Variants in NRDC observed in about 807,000 individuals in gnomAD.
NRDC encodes the protein nardilysin convertase, also known as nardilysin.
In NRDC, 54 loss-of-function variants were observed where a neutral mutation model predicts 147.1. The observed-to-expected ratio is 0.37, with a 90% CI of 0.29 to 0.46. The LOEUF is 0.46. Ranked by LOEUF, NRDC falls within the 20% of genes least tolerant of loss-of-function variation. The probability of loss-of-function intolerance (pLI) is 1.00; values close to 1 mark genes in which losing one functional copy is unlikely to be tolerated. For synonymous variants in NRDC, 440 were observed against 482.1 expected (o/e 0.91, Z 1.14); for missense variants, 1,082 against 1,370.6 (o/e 0.79, Z 3.33).
At chr1:51,830,981 T>C (rs1680682098) in intron 4 of NRDC, among the ~76,000 whole-genome samples, 2 of 152,230 alleles carry the variant, frequency 1.3e-5, no homozygotes, top group South Asian at 4.1e-4. Flanking sequence ...ATTGTAGAAG[T>C]ATAATATTAT....
At position 51,789,630 on chromosome 1, in the gene NRDC, A is replaced by C. The variant is rs760438490; in HGVS notation, c.3196T>G (p.Ser1066Ala). Residue 1066 changes from serine (S) to alanine (A), a missense_variant, in exon 30 of 31, where the codon TCA (serine) becomes GCA (alanine). By Grantham distance (99) the Ser-to-Ala change is moderately conservative. Coordinates refer to ENST00000352171, the MANE Select transcript of NRDC (RefSeq NM_001101662.2). ...EIEALKSFSKSDLVNWFKAHR... is the reference protein window; with the variant it reads ...EIEALKSFSKADLVNWFKAHR... ...GCCTTGAACCAGTTGACCAGGTCTG[A>C]TTTTGAGAATGACTTCAGTGCTTCA... The C allele has an allele frequency of 6.2e-7, 1 of 1,613,610 alleles. No individual in the cohort carries two copies. The highest frequency in any genetic ancestry group is 1.3e-5 in the African/African-American group (1 of 74,916).
chr1:51,854,092 AG>A (rs35105647), intron 1 of NRDC, among the ~76,000 whole-genome samples: 2 of 152,296 alleles, frequency 1.3e-5, no homozygotes, highest in East Asian at 3.9e-4. Context: ...ATCCTCAGCC[AG>A]GGGCGGTGGC....
intron 1 of NRDC, 50 bp from the exon 2 acceptor site, chr1:51,840,564 AC>A (rs1681220469): frequency 7.9e-7 from 1 of 1,267,590 alleles, no homozygotes; most frequent in Non-Finnish European, 1.1e-6. Context: ...TGTTCTTTAC[AC>A]CAATACAAGT....
intron 11 of NRDC, among the ~76,000 whole-genome samples, chr1:51,815,128 A>C (rs981829379): frequency 6.6e-6 from 1 of 152,098 alleles, no homozygotes; most frequent in African/African-American, 2.4e-5. Flanking sequence ...TGAAGAGAAC[A>C]GCACAAAATA....
At position 51,794,894 on chromosome 1, in the gene NRDC, A is replaced by T. The variant is rs752922837; in HGVS notation, c.2605-40T>A. ...AGAATAACTACATTAAGCTCTCTAG[A>T]CATTCATTTCACCCAGAATCAGCTA... is the stretch of plus-strand genomic sequence containing the variant. On this transcript the variant is annotated intron_variant, in intron 22 of 30. Coordinates refer to ENST00000352171, the MANE Select transcript of NRDC (RefSeq NM_001101662.2). The T allele has an allele frequency of 9.9e-6, 16 of 1,610,738 alleles. No homozygotes were observed. The African/African-American group carries it at 1.3e-4, about 13-fold the overall frequency.
rs1680837476 is a variant in NRDC at position 51,834,170 on chromosome 1, A to G, written c.713T>C (p.Met238Thr). The G allele has an allele frequency of 3.1e-6, 5 of 1,613,552 alleles. No homozygotes were observed. In the East Asian group the frequency reaches 1.1e-4, roughly 36 times the overall value. Residue 238 changes from methionine (M) to threonine (T), a missense_variant and splice_region_variant, in exon 4 of 31, where the codon ATG becomes ACG. Transcript: ENST00000352171. Reference sequence around the variant, plus strand: ...ATATTTCAAACTACCCATGAATACCACTAAATGGAAAGAACACAAAGTCAC... The same window carrying G: ...ATATTTCAAACTACCCATGAATACCGCTAAATGGAAAGAACACAAAGTCAC... ...LPGLAHFLEH[M>T]VFMGSLKYPD...
At chr1:51,837,585 C>G in intron 2 of NRDC, 2 of 1,580,108 alleles carry the variant, frequency 1.3e-6, no homozygotes, top group Non-Finnish European at 1.7e-6. Flanking sequence ...GTCTATCAGT[C>G]AGCTTTGACC....
intron 2 of NRDC, among the ~76,000 whole-genome samples, chr1:51,837,150 A>G (rs1404060946): frequency 2.0e-5 from 3 of 152,222 alleles, no homozygotes; most frequent in Non-Finnish European, 2.9e-5. Flanking sequence ...TGAATCCTTG[A>G]AGATAGAAAG....
At chr1:51,856,892 T>C (rs1404495789) in intron 1 of NRDC, among the ~76,000 whole-genome samples, 2 of 152,096 alleles carry the variant, frequency 1.3e-5, no homozygotes, top group East Asian at 1.9e-4. Flanking sequence ...ACACCCAACA[T>C]TGTAACAAAA....
chr1:51,836,103 C>T (rs765292138), intron 3 of NRDC, 28 bp downstream of exon 3: 1 of 1,585,358 alleles, frequency 6.3e-7, no homozygotes, highest in Non-Finnish European at 8.7e-7. Flanking sequence ...AAAAAACACA[C>T]CAGGAATGAT....
At chr1:51,876,814 C>A (rs79111080) in intron 1 of NRDC, among the ~76,000 whole-genome samples, 4 of 152,188 alleles carry the variant, frequency 2.6e-5, no homozygotes, top group African/African-American at 9.7e-5. Context: ...TTGTTTCTTG[C>A]GCTAACGCTG....
Position 51,831,167 on chromosome 1 carries a change from C to T in NRDC, c.866+2850G>A, listed in dbSNP as rs372971260. Among the ~76,000 whole-genome samples the T allele has an allele frequency of 1.4e-4, 22 of 152,222 alleles. No individual in the cohort carries two copies. In the East Asian group the frequency reaches 2.1e-3, roughly 15 times the overall value. ...CTTAGATGCTGAAGCAGTCCTTGTA[C>T]AAAACATATTTAGAACAACTCTTTA... On this transcript the variant is annotated intron_variant, in intron 4 of 30. Transcript: ENST00000352171.
chr1:51,842,124 G>A (rs1681295658), intron 1 of NRDC, among the ~76,000 whole-genome samples: 1 of 151,986 alleles, frequency 6.6e-6, no homozygotes, highest in African/African-American at 2.4e-5. Flanking sequence ...AGCGAGCCCA[G>A]ATCGGGCCAC....
chr1:51,846,448 T>G (rs889966153), intron 1 of NRDC, among the ~76,000 whole-genome samples: 1 of 152,212 alleles, frequency 6.6e-6, no homozygotes, highest in Admixed American at 6.5e-5. Context: ...TTTCACTCTT[T>G]TTGTGTCTGG....
intron 1 of NRDC, among the ~76,000 whole-genome samples, chr1:51,854,616 C>G (rs2124025256): frequency 6.6e-6 from 1 of 152,254 alleles, no homozygotes; most frequent in African/African-American, 2.4e-5. Context: ...GATAAACAAG[C>G]AGGTAACAGT....
chr1:51,874,075 T>C (rs181521302), intron 1 of NRDC, among the ~76,000 whole-genome samples: 11 of 150,560 alleles, frequency 7.3e-5, no homozygotes, highest in African/African-American at 2.7e-4. Context: ...TGGGGCAGGT[T>C]GTGATGGTGC....
chr1:51,836,075 A>G (rs375822679), intron 3 of NRDC, 56 bp downstream of exon 3: 335 of 1,310,404 alleles, frequency 2.6e-4, no homozygotes, highest in Non-Finnish European at 3.5e-4. Flanking sequence ...ATCAATTCAT[A>G]TAAGTTTGGA....
At chr1:51,821,616 T>G (rs775849743) in intron 7 of NRDC, 61 bp from the exon 8 acceptor site, 11 of 1,133,446 alleles carry the variant, frequency 9.7e-6, no homozygotes, top group Non-Finnish European at 1.3e-5. Flanking sequence ...AAGGTAGAAA[T>G]GCAATTAGAT....
intron 19 of NRDC, 88 bp downstream of exon 19, chr1:51,805,422 A>G: frequency 9.7e-7 from 1 of 1,033,404 alleles, no homozygotes; most frequent in Non-Finnish European, 1.4e-6. Context: ...ATATGGATAG[A>G]GAAAATGACA....
Sources: allele counts gnomAD v4.1 joint callset (sites outside exome capture counted in the v4.1 genomes callset), GRCh38; gene constraint gnomAD v4.1.1; transcripts MANE v1.5; gene names NCBI Gene and HGNC (gene_info 2026-07-23, HGNC 2026-07-21).